The following PCDHA12 variants were observed in gnomAD, a reference collection of about 807,000 sequenced individuals.
PCDHA12 encodes the protein protocadherin alpha-12.
A neutral mutation model predicts 60.0 loss-of-function variants in PCDHA12; 44 were observed. The ratio of observed to expected loss-of-function variants is 0.73; its 90% CI spans 0.58 to 0.94. The LOEUF is 0.94. PCDHA12 is among the 40% of genes least tolerant of loss of function. The probability of loss-of-function intolerance (pLI) is 0.00; values close to 1 mark genes in which losing one functional copy is unlikely to be tolerated. For missense variants in PCDHA12, 1,276 were observed against 1,239.7 expected (o/e 1.03, Z -0.44); for synonymous variants, 569 against 553.0 (o/e 1.03, Z -0.40).
In PCDHA12 at chr5:141,011,771, G is replaced by A. The variant is rs1327507093; in HGVS notation, c.*1834G>A. On this transcript the variant is annotated 3_prime_UTR_variant, in exon 4 of 4. Transcript: ENST00000398631. ...TCTGACCTCTTTGAAGTTGCAGAATGCTTTGAAATTCTAATGGTATCTGAA... is the reference window on the plus strand; with the variant it reads ...TCTGACCTCTTTGAAGTTGCAGAATACTTTGAAATTCTAATGGTATCTGAA... The A allele has an allele frequency of 1.3e-5, 2 of 153,698 alleles. No individual in the cohort carries two copies. The highest frequency in any genetic ancestry group is 4.8e-5 in the African/African-American group (2 of 41,424). The allele number at this position is 153,698 out of a possible 1,614,324, so 9.5% of individuals were successfully genotyped here.
At chr5:140,965,109 C>T (rs940351305) in intron 1 of PCDHA12, among the ~76,000 whole-genome samples, 3 of 152,168 alleles carry the variant, frequency 2.0e-5, no homozygotes, top group African/African-American at 7.2e-5. Context: ...GAAAATGACC[C>T]ATAGAGGAAG....
chr5:140,966,742 G>T, intron 1 of PCDHA12: 1 of 1,422,480 alleles, frequency 7.0e-7, no homozygotes, highest in African/African-American at 1.5e-5. Context: ...GCCCTGCCCG[G>T]CTGCCTCCGC....
intron 1 of PCDHA12, among the ~76,000 whole-genome samples, chr5:140,955,553 C>A (rs782183120): frequency 2.6e-5 from 4 of 152,088 alleles, no homozygotes; most frequent in Non-Finnish European, 5.9e-5. Flanking sequence ...TGAGGCCTCC[C>A]CAGCCATACT....
intron 1 of PCDHA12, among the ~76,000 whole-genome samples, chr5:140,904,088 TA>T (rs1486110849): frequency 9.8e-5 from 15 of 152,340 alleles, no homozygotes; most frequent in Admixed American, 2.6e-4. Flanking sequence ...GTTACATGAA[TA>T]ACTACTTTAG....
Position 140,966,719 on chromosome 5 carries a change from G to A in PCDHA12, c.2368-12230G>A, listed in dbSNP as rs373995406. On this transcript the variant is annotated intron_variant, in intron 1 of 3. Coordinates refer to ENST00000398631, the MANE Select transcript of PCDHA12 (RefSeq NM_018903.4). ...CCGGGCGTGGGGCACGGCTGGGGAA[G>A]CTGCCGCCTCCGGCCCTGCCCGGCT... 7.2e-6 allele frequency: 10 copies of A among 1,395,512 alleles called. No individual in the cohort carries two copies. The East Asian group carries it at 1.1e-4, about 16-fold the overall frequency. 86.4% of individuals were successfully genotyped at this position (1,395,512 alleles called of 1,614,324 possible).
intron 1 of PCDHA12, chr5:140,969,386 C>G (rs782109093): frequency 6.3e-7 from 1 of 1,596,966 alleles, no homozygotes; most frequent in South Asian, 1.1e-5. Flanking sequence ...TACACATCCC[C>G]CAATATCCTG....
rs73793533 is a variant in PCDHA12 at position 140,949,932 on chromosome 5, T to A, written c.2368-29017T>A. On this transcript the variant is annotated intron_variant, in intron 1 of 3. Transcript: ENST00000398631. Reference sequence around the variant, plus strand: ...GATATAACTATTTTTAGATTTTTTTTAATTTGCATTTTTTAGTGGTTGCTG... The same window carrying A: ...GATATAACTATTTTTAGATTTTTTTAAATTTGCATTTTTTAGTGGTTGCTG... Among the ~76,000 whole-genome samples, 1,356 of 151,758 alleles carry A rather than the reference T, an allele frequency of 8.9e-3. 15 individuals carry two copies. The highest frequency in any genetic ancestry group is 0.032 in the African/African-American group (1,309 of 41,514).
chr5:140,999,822 T>C (rs1389164136), intron 3 of PCDHA12, among the ~76,000 whole-genome samples: 3 of 152,222 alleles, frequency 2.0e-5, no homozygotes, highest in Non-Finnish European at 4.4e-5. Context: ...GAGCTGTGGC[T>C]TTAAAAATAT....
At chr5:140,996,355 G>A (rs1164124431) in intron 3 of PCDHA12, among the ~76,000 whole-genome samples, 1 of 152,218 alleles carries the variant, frequency 6.6e-6, no homozygotes, top group Non-Finnish European at 1.5e-5. Flanking sequence ...ACCAAAGTCA[G>A]AAGCCATTTT....
intron 1 of PCDHA12, chr5:140,929,609 A>G: frequency 2.4e-6 from 1 of 410,256 alleles, no homozygotes; most frequent in Non-Finnish European, 4.4e-6. Flanking sequence ...TAAAAATAAA[A>G]TACCAAAATA....
At chr5:140,905,704 T>C (rs960569704) in intron 1 of PCDHA12, among the ~76,000 whole-genome samples, 2 of 152,242 alleles carry the variant, frequency 1.3e-5, no homozygotes, top group African/African-American at 4.8e-5. Context: ...TCATTTATGA[T>C]TTCCTTCAGC....
chr5:140,926,323 G>C (rs977416438), intron 1 of PCDHA12: 1 of 152,270 alleles, frequency 6.6e-6, no homozygotes, highest in South Asian at 2.1e-4. Flanking sequence ...GGTGCGCCGG[G>C]GTCAGAGCGC....
In PCDHA12 at chr5:140,982,463, G is replaced by A. The variant is rs781833977; in HGVS notation, c.2427-12G>A. 1 of 1,614,060 alleles carries A rather than the reference G, an allele frequency of 6.2e-7. No individual in the cohort carries two copies. The highest frequency in any genetic ancestry group is 1.3e-5 in the African/African-American group (1 of 74,928). On this transcript the variant is annotated splice_polypyrimidine_tract_variant and intron_variant, in intron 2 of 3. Coordinates refer to ENST00000398631, the MANE Select transcript of PCDHA12 (RefSeq NM_018903.4). ...TGATCTAACCGTTATCTGGGTCTGT[G>A]TGTTTATTCAGCTCTGTGCACCTAG...
intron 3 of PCDHA12, among the ~76,000 whole-genome samples, chr5:140,984,425 A>G (rs1488284803): frequency 6.6e-6 from 1 of 152,174 alleles, no homozygotes; most frequent in Non-Finnish European, 1.5e-5. Context: ...GAGATAGAGA[A>G]GGGGATCTCC....
chr5:140,877,626 C>T lies in PCDHA12; in HGVS notation c.2154C>T (p.Tyr718=). 1 of 1,613,828 alleles carries T rather than the reference C, an allele frequency of 6.2e-7. No homozygotes were observed. The highest frequency in any genetic ancestry group is 1.3e-5 in the African/African-American group (1 of 75,048). The change falls in exon 1 of 4, where the codon TAC becomes TAT. Residue 718 remains tyrosine (Y), a synonymous_variant. Coordinates refer to ENST00000398631, the MANE Select transcript of PCDHA12 (RefSeq NM_018903.4). ...TGCTGGTGCTCACGCTGCTGCTGTA[C>T]ACTGCGCTGCGTTGCTCAGCGCCGC... is the stretch of plus-strand genomic sequence containing the variant. The part of the protein sequence containing the change: ...SSLLVLTLLL[Y]TALRCSAPPT...
At chr5:140,969,337 AC>A in intron 1 of PCDHA12, 1 of 1,613,970 alleles carries the variant, frequency 6.2e-7, no homozygotes, top group East Asian at 2.2e-5. Flanking sequence ...ATGAGGTGAG[AC>A]AGTGGTCAGG....
At chr5:140,969,069 T>C in intron 1 of PCDHA12, 1 of 1,614,160 alleles carries the variant, frequency 6.2e-7, no homozygotes, top group Non-Finnish European at 8.5e-7. Context: ...GATGCCAGGA[T>C]ACCGCATGGC....
At chr5:140,928,201 G>C in intron 1 of PCDHA12, 1 of 1,614,242 alleles carries the variant, frequency 6.2e-7, no homozygotes, top group Non-Finnish European at 8.5e-7. Context: ...GTCAGTTGCT[G>C]ATGTGAATGA....
At chr5:140,917,906 G>C (rs1334892378) in intron 1 of PCDHA12, among the ~76,000 whole-genome samples, 1 of 151,938 alleles carries the variant, frequency 6.6e-6, no homozygotes, top group East Asian at 1.9e-4. Flanking sequence ...TGTTAGGATA[G>C]TTTGTTTTTC....
Sources: allele counts gnomAD v4.1 joint callset (sites outside exome capture counted in the v4.1 genomes callset), GRCh38; gene constraint gnomAD v4.1.1; transcripts MANE v1.5; gene names NCBI Gene and HGNC (gene_info 2026-07-23, HGNC 2026-07-21).